SUSD6: variants seen among roughly 807,000 people sequenced by gnomAD.
The protein encoded by SUSD6 is sushi domain-containing protein 6.
A neutral mutation model predicts 28.4 loss-of-function variants in SUSD6; 16 were observed. The ratio of observed to expected loss-of-function variants is 0.56; its 90% CI spans 0.38 to 0.86. SUSD6 has a LOEUF of 0.86. SUSD6 is among the 40% of genes least tolerant of loss of function. The pLI, the probability that SUSD6 is intolerant of heterozygous loss-of-function variation, is 0.00. For missense variants in SUSD6, 341 were observed against 384.2 expected, an observed-to-expected ratio of 0.89 and a Z score of 0.94; for synonymous variants, 147 against 159.6, an observed-to-expected ratio of 0.92 and a Z score of 0.59.
intron 3 of SUSD6, 122 bp from the exon 4 acceptor site, chr14:69,704,482 C>T: frequency 8.5e-6 from 8 of 940,100 alleles, no homozygotes; most frequent in Non-Finnish European, 1.1e-5. Context: ...TGAAATGACC[C>T]TGACCGTAGG....
At position 69,713,177 on chromosome 14, in the gene SUSD6, C is replaced by T. The variant is rs1886493140; in HGVS notation, c.*2198C>T. 6.6e-6 allele frequency: 1 copy of T among 152,216 alleles called. No individual in the cohort carries two copies. The allele number at this position is 152,216 out of a possible 1,614,324, so 9.4% of individuals were successfully genotyped here. On this transcript the variant is annotated 3_prime_UTR_variant, in exon 6 of 6. Coordinates refer to ENST00000342745, the MANE Select transcript of SUSD6 (RefSeq NM_014734.4). ...GGGGTTTTGTCCCCCTAAGAGATTG[C>T]ACTTTTTGTTTGGGGTTTATTCAGC... is the stretch of plus-strand genomic sequence containing the variant.
chr14:69,653,747 CTTTT>C (rs3048700), intron 1 of SUSD6, among the ~76,000 whole-genome samples: 2 of 93,244 alleles, frequency 2.1e-5, no homozygotes, highest in Non-Finnish European at 4.0e-5. Context: ...CCTAGTGAAA[CTTTT>C]TTTTTTTTTT....
At chr14:69,618,303 A>G (rs1481439152) in intron 1 of SUSD6, among the ~76,000 whole-genome samples, 1 of 152,242 alleles carries the variant, frequency 6.6e-6, no homozygotes, top group East Asian at 1.9e-4. Flanking sequence ...TGTTTAGACC[A>G]GGGTCCCATC....
intron 1 of SUSD6, among the ~76,000 whole-genome samples, chr14:69,639,972 T>TTTTC (rs1885327486): frequency 6.7e-6 from 1 of 149,006 alleles, no homozygotes; most frequent in African/African-American, 2.5e-5. Context: ...TTTTTTTTTT[T>TTTTC]TTTTTTTGCG....
chr14:69,630,950 C>T (rs1414779085), intron 1 of SUSD6, among the ~76,000 whole-genome samples: 1 of 152,172 alleles, frequency 6.6e-6, no homozygotes, highest in Non-Finnish European at 1.5e-5. Context: ...TCTTGTTTTA[C>T]TCCACTCCAT....
intron 2 of SUSD6, among the ~76,000 whole-genome samples, chr14:69,673,709 A>G (rs954520964): frequency 2.5e-4 from 38 of 152,186 alleles, no homozygotes; most frequent in Admixed American, 5.9e-4. Context: ...CCCCTGAGGC[A>G]GCAGTGAGTT....
At chr14:69,690,984 G>A (rs567580148) in intron 2 of SUSD6, among the ~76,000 whole-genome samples, 1 of 152,250 alleles carries the variant, frequency 6.6e-6, no homozygotes, top group Admixed American at 6.5e-5. Context: ...CCACCCCCCA[G>A]AATGTACAGG....
intron 2 of SUSD6, among the ~76,000 whole-genome samples, chr14:69,698,411 A>G (rs553528084): frequency 2.6e-5 from 4 of 152,340 alleles, no homozygotes; most frequent in Admixed American, 6.5e-5. Flanking sequence ...TTGAGGCTGC[A>G]TGCATGTCAC....
In SUSD6 at chr14:69,685,437, A is replaced by G. The variant is rs1054808937; in HGVS notation, c.122-17958A>G. Among the ~76,000 whole-genome samples the G allele has an allele frequency of 3.3e-5, 5 of 152,364 alleles. No individual in the cohort carries two copies. The South Asian group carries it at 8.3e-4, about 25-fold the overall frequency. On this transcript the variant is annotated intron_variant, in intron 2 of 5. Transcript: ENST00000342745. The stretch of plus-strand genomic sequence containing the variant: ...CAAGTCTTTTCCATCAACAAAGCAT[A>G]GAGTTCGGGGAAACCCAGGATGAGC...
At chr14:69,658,816 A>G (rs1885622647) in intron 2 of SUSD6, 103 bp downstream of exon 2, 7 of 1,485,276 alleles carry the variant, frequency 4.7e-6, no homozygotes, top group Non-Finnish European at 5.6e-6. Context: ...AGGCGGTTTC[A>G]GGGAGAGCAG....
At chr14:69,705,863 C>T (rs1455334138) in intron 4 of SUSD6, among the ~76,000 whole-genome samples, 2 of 152,182 alleles carry the variant, frequency 1.3e-5, no homozygotes, top group Admixed American at 1.3e-4. Flanking sequence ...GAGTGGATTC[C>T]CGATGATGGA....
At chr14:69,679,209 G>T (rs559291553) in intron 2 of SUSD6, among the ~76,000 whole-genome samples, 1 of 152,106 alleles carries the variant, frequency 6.6e-6, no homozygotes. Context: ...TCCTTTTAGG[G>T]GATTGACAGG....
At chr14:69,674,476 C>T (rs1004118497) in intron 2 of SUSD6, among the ~76,000 whole-genome samples, 4 of 152,100 alleles carry the variant, frequency 2.6e-5, no homozygotes, top group Admixed American at 6.6e-5. Flanking sequence ...CTAGCATGTA[C>T]GTCGAGTGCT....
intron 2 of SUSD6, among the ~76,000 whole-genome samples, chr14:69,667,450 C>T (rs967056664): frequency 1.4e-5 from 2 of 146,302 alleles, no homozygotes; most frequent in African/African-American, 2.5e-5. Context: ...AATCTCGGCT[C>T]ACTGCAAGCT....
intron 2 of SUSD6, among the ~76,000 whole-genome samples, chr14:69,674,759 C>T (rs1157327949): frequency 6.6e-6 from 1 of 152,142 alleles, no homozygotes; most frequent in East Asian, 1.9e-4. Flanking sequence ...AGAGTTAGTA[C>T]AGCCTGCCTG....
intron 2 of SUSD6, among the ~76,000 whole-genome samples, chr14:69,675,809 GGTTTCACTGT>G (rs1188481537): frequency 1.1e-4 from 17 of 151,984 alleles, no homozygotes; most frequent in Admixed American, 1.0e-3. Flanking sequence ...TTAGAGATGA[GGTTTCACTGT>G]GTTGTCCAGG....
chr14:69,681,397 G>T (rs1019055344), intron 2 of SUSD6, among the ~76,000 whole-genome samples: 2 of 152,178 alleles, frequency 1.3e-5, no homozygotes, highest in African/African-American at 4.8e-5. Flanking sequence ...CTGGACATCT[G>T]TTAGACATGC....
At chr14:69,664,710 G>T (rs1474776899) in intron 2 of SUSD6, among the ~76,000 whole-genome samples, 1 of 152,100 alleles carries the variant, frequency 6.6e-6, no homozygotes, top group African/African-American at 2.4e-5. Context: ...CACGTAACTG[G>T]GTCCCTATTG....
intron 2 of SUSD6, among the ~76,000 whole-genome samples, chr14:69,675,018 C>T (rs1035609377): frequency 6.6e-6 from 1 of 152,126 alleles, no homozygotes; most frequent in Non-Finnish European, 1.5e-5. Context: ...TAATTGGAAA[C>T]CCTGACTCTG....
Sources: allele counts gnomAD v4.1 joint callset (sites outside exome capture counted in the v4.1 genomes callset), GRCh38; gene constraint gnomAD v4.1.1; transcripts MANE v1.5; gene names NCBI Gene and HGNC (gene_info 2026-07-23, HGNC 2026-07-21).